The following LPXN variants were observed in gnomAD, a reference collection of about 807,000 sequenced individuals.
LPXN encodes the protein leupaxin.
A neutral mutation model predicts 45.6 loss-of-function variants in LPXN; 28 were observed. That is an observed-to-expected ratio of 0.61 (90% CI 0.45 to 0.84). The LOEUF (loss-of-function observed/expected upper bound fraction) is 0.84. Ranked by LOEUF, LPXN falls within the 40% of genes least tolerant of loss-of-function variation. The probability of loss-of-function intolerance (pLI) is 0.00; values close to 1 mark genes in which losing one functional copy is unlikely to be tolerated. For missense variants in LPXN, 459 were observed against 475.0 expected, an observed-to-expected ratio of 0.97 and a Z score of 0.31; for synonymous variants, 166 against 169.9, an observed-to-expected ratio of 0.98 and a Z score of 0.18.
Position 58,570,173 on chromosome 11 carries a change from C to T in LPXN, c.171+383G>A, listed in dbSNP as rs796582772. Among the ~76,000 whole-genome samples, 19 of 151,826 alleles carry T rather than the reference C, an allele frequency of 1.3e-4. 1 individual carries two copies. The highest frequency in any genetic ancestry group is 4.1e-4 in the African/African-American group (17 of 41,398). On this transcript the variant is annotated intron_variant, in intron 2 of 8. Transcript: ENST00000395074. Reference sequence around the variant, plus strand: ...CAAAAATTAGCTGGGCATGGTGGTGCGTGCCTGTAATCCTAGCTATTTGGG... The same window carrying T: ...CAAAAATTAGCTGGGCATGGTGGTGTGTGCCTGTAATCCTAGCTATTTGGG...
chr11:58,571,892 G>A (rs184675287), intron 1 of LPXN, among the ~76,000 whole-genome samples: 63 of 152,268 alleles, frequency 4.1e-4, no homozygotes, highest in African/African-American at 1.4e-3. Flanking sequence ...ACCAGGACTT[G>A]AATCTGGGCT....
At chr11:58,533,843 G>A (rs117358897) in intron 7 of LPXN, among the ~76,000 whole-genome samples, 2,894 of 150,698 alleles carry the variant, frequency 0.019, 40 homozygotes, top group Non-Finnish European at 0.033. Context: ...CCAAGTAAAC[G>A]GAAAGAAAAA....
intron 2 of LPXN, among the ~76,000 whole-genome samples, chr11:58,570,003 T>C: frequency 6.6e-6 from 1 of 151,986 alleles, no homozygotes; most frequent in East Asian, 1.9e-4. Flanking sequence ...ATGTGCTCAT[T>C]AGAAAAAATG....
At chr11:58,537,615 A>C (rs1169142081) in intron 7 of LPXN, among the ~76,000 whole-genome samples, 2 of 152,170 alleles carry the variant, frequency 1.3e-5, no homozygotes, top group East Asian at 3.9e-4. Flanking sequence ...CCTATGTAAC[A>C]AACCTGCACA....
At chr11:58,561,573 T>C (rs1854378739) in intron 3 of LPXN, among the ~76,000 whole-genome samples, 1 of 152,198 alleles carries the variant, frequency 6.6e-6, no homozygotes. Context: ...TCATAATCCT[T>C]TCGTAGCTGC....
intron 6 of LPXN, 27 bp downstream of exon 6, chr11:58,549,946 G>C (rs749066023): frequency 1.2e-6 from 2 of 1,613,960 alleles, no homozygotes; most frequent in African/African-American, 2.7e-5. Flanking sequence ...GTGACTGAAA[G>C]CTGGAGAGGA....
intron 5 of LPXN, 110 bp from the exon 6 acceptor site, chr11:58,550,256 C>T (rs1034095730): frequency 8.0e-5 from 81 of 1,017,622 alleles, no homozygotes; most frequent in Middle Eastern, 3.0e-4. Context: ...GTAGACAACA[C>T]GCCCTGGAAT....
intron 7 of LPXN, among the ~76,000 whole-genome samples, chr11:58,536,882 A>G (rs1377243526): frequency 6.6e-6 from 1 of 152,238 alleles, no homozygotes; most frequent in East Asian, 1.9e-4. Context: ...GAAGACATTT[A>G]TGTAGCCAAT....
In LPXN at chr11:58,527,448, T is replaced by C. The variant is rs939150838; in HGVS notation, c.*6A>G. ...GGAATCTGAAGAGGCTATGGATCAG[T>C]TGGCATTACAGTGGGAAGAGCTTAT... On this transcript the variant is annotated 3_prime_UTR_variant, in exon 9 of 9. Transcript: ENST00000395074. The C allele has an allele frequency of 2.5e-6, 4 of 1,614,082 alleles. No homozygotes were observed. Among genetic ancestry groups the C allele is most frequent in the East Asian group, 2.2e-5 (1 of 44,882 alleles).
At chr11:58,532,037 TCAGAGTGGCCGG>T (rs1853405487) in intron 7 of LPXN, among the ~76,000 whole-genome samples, 1 of 152,222 alleles carries the variant, frequency 6.6e-6, no homozygotes. Flanking sequence ...GGCCCCGCAC[TCAGAGTGGCCGG>T]CCAGCACCGC....
intron 1 of LPXN, among the ~76,000 whole-genome samples, chr11:58,572,206 AT>A (rs1452080451): frequency 6.6e-6 from 1 of 152,106 alleles, no homozygotes; most frequent in Non-Finnish European, 1.5e-5. Flanking sequence ...TTCACAGGTC[AT>A]TAAAAAAAAA....
intron 4 of LPXN, among the ~76,000 whole-genome samples, chr11:58,553,690 T>G (rs116803694): frequency 6.6e-6 from 1 of 152,200 alleles, no homozygotes; most frequent in Non-Finnish European, 1.5e-5. Flanking sequence ...ATATACTGCT[T>G]TGAAATTATT....
intron 8 of LPXN, 88 bp from the exon 9 acceptor site, chr11:58,527,811 GAC>G (rs1184771219): frequency 2.3e-5 from 31 of 1,319,662 alleles, no homozygotes; most frequent in East Asian, 4.9e-5. Context: ...TGAAATTCCT[GAC>G]AGTTACCTGC....
chr11:58,550,194 A>G, intron 5 of LPXN, 48 bp from the exon 6 acceptor site: 1 of 1,573,758 alleles, frequency 6.4e-7, no homozygotes, highest in African/African-American at 1.3e-5. Flanking sequence ...TGAGTGCTCT[A>G]CAGCCTACAG....
At chr11:58,535,208 G>C (rs1236654293) in intron 7 of LPXN, among the ~76,000 whole-genome samples, 2 of 152,066 alleles carry the variant, frequency 1.3e-5, no homozygotes, top group Non-Finnish European at 2.9e-5. Context: ...ACACGGCAGA[G>C]ACACAACAAA....
intron 7 of LPXN, among the ~76,000 whole-genome samples, chr11:58,542,075 G>A (rs542135672): frequency 4.7e-4 from 71 of 151,854 alleles, no homozygotes; most frequent in African/African-American, 1.7e-3. Context: ...AGCATTAGGA[G>A]ATATACCTAA....
chr11:58,537,762 A>ATATTT (rs753044818), intron 7 of LPXN, among the ~76,000 whole-genome samples: 4 of 151,972 alleles, frequency 2.6e-5, no homozygotes, highest in South Asian at 2.1e-4. Flanking sequence ...CTACAAAGAA[A>ATATTT]TATTTTATTT....
intron 2 of LPXN, among the ~76,000 whole-genome samples, chr11:58,569,613 C>T (rs931511365): frequency 3.9e-5 from 6 of 152,124 alleles, no homozygotes; most frequent in African/African-American, 1.4e-4. Context: ...TGGTCTCAAA[C>T]TCCTGGCTTC....
At chr11:58,577,936 T>C (rs898406409), upstream of LPXN, 30 of 1,495,750 alleles carry the variant, frequency 2.0e-5, no homozygotes, top group Admixed American at 6.3e-4. Context: ...GGCCTTGTGC[T>C]AGGGCTCCGA....
Sources: allele counts gnomAD v4.1 joint callset (sites outside exome capture counted in the v4.1 genomes callset), GRCh38; gene constraint gnomAD v4.1.1; transcripts MANE v1.5; gene names NCBI Gene and HGNC (gene_info 2026-07-23, HGNC 2026-07-21).